The following PTPRS variants were observed in gnomAD, a reference collection of about 807,000 sequenced individuals.
PTPRS encodes protein tyrosine phosphatase receptor type S, also known as receptor-type tyrosine-protein phosphatase S.
Under a neutral mutation model 215.3 loss-of-function variants are expected in PTPRS, and 63 were observed. That is an observed-to-expected ratio of 0.29 (90% CI 0.24 to 0.36). The LOEUF (loss-of-function observed/expected upper bound fraction) is 0.36, where lower values mean the gene tolerates loss of function less well. Among genes scored for constraint, PTPRS ranks in the 10% least tolerant of loss-of-function variants. PTPRS has a pLI of 1.00. For missense variants in PTPRS, 2,258 were observed against 2,825.8 expected (o/e 0.80, Z 4.56); for synonymous variants, 1,404 against 1,191.4 (o/e 1.18, Z -3.68).
Position 5,216,727 on chromosome 19 carries a change from G to T in PTPRS, c.4089C>A (p.His1363Gln). ...LRSPLREPGF[H>Q]FESMLSHPPI... is the part of the protein sequence containing the mutation. ...ACAGACACAAGAACTAACTTTCAAA[G>T]TGAAACCCCGGCTCCCTGAGGGGGC... Residue 1363 changes from histidine (H) to glutamine (Q), a missense_variant, in exon 26 of 38, where the codon CAC becomes CAA. Physicochemically the swap from His to Gln is conservative, Grantham distance 24. Transcript: ENST00000262963. 6.4e-7 allele frequency: 1 copy of T among 1,572,942 alleles called. No individual in the cohort carries two copies.
At chr19:5,274,175 C>A in intron 3 of PTPRS, 24 bp downstream of exon 3, 1 of 1,596,296 alleles carries the variant, frequency 6.3e-7, no homozygotes, top group Non-Finnish European at 8.6e-7. Context: ...TGACCCCAGG[C>A]TGCCTCCCCC....
chr19:5,230,644 AG>A (rs1482306943), intron 14 of PTPRS, among the ~76,000 whole-genome samples: 1 of 152,076 alleles, frequency 6.6e-6, no homozygotes, highest in East Asian at 1.9e-4. Flanking sequence ...ATGTTTTTGG[AG>A]GAATGGGGTC....
intron 1 of PTPRS, among the ~76,000 whole-genome samples, chr19:5,321,607 A>G (rs1368256486): frequency 6.6e-6 from 1 of 152,250 alleles, no homozygotes; most frequent in Non-Finnish European, 1.5e-5. Context: ...TGCCAGGCCC[A>G]GAGTGGAGAA....
intron 30 of PTPRS, among the ~76,000 whole-genome samples, chr19:5,212,698 C>T (rs148176244): frequency 6.6e-6 from 1 of 152,166 alleles, no homozygotes; most frequent in Non-Finnish European, 1.5e-5. Flanking sequence ...ACAAAATTAG[C>T]TAGGCATGGT....
chr19:5,278,916 C>T (rs1188911144), intron 2 of PTPRS, among the ~76,000 whole-genome samples: 1 of 151,906 alleles, frequency 6.6e-6, no homozygotes, highest in African/African-American at 2.4e-5. Flanking sequence ...AGGGGTTGGG[C>T]ATGGTGGCTC....
intron 1 of PTPRS, among the ~76,000 whole-genome samples, chr19:5,331,126 TTTAAAAA>T (rs1325379378): frequency 2.3e-4 from 10 of 42,558 alleles, no homozygotes; most frequent in South Asian, 1.4e-3. Flanking sequence ...GGCTTCTTTT[TTTAAAAA>T]AAAAAAAAAA....
At chr19:5,247,016 G>A (rs555083102) in intron 9 of PTPRS, among the ~76,000 whole-genome samples, 1 of 151,694 alleles carries the variant, frequency 6.6e-6, no homozygotes, top group Non-Finnish European at 1.5e-5. Context: ...GAGAGGAGAC[G>A]AATGAATGGG....
intron 5 of PTPRS, 34 bp downstream of exon 5, chr19:5,264,974 A>C: frequency 2.5e-6 from 4 of 1,609,820 alleles, no homozygotes; most frequent in Non-Finnish European, 3.4e-6. Context: ...CTGCCCTCCA[A>C]GGCTCCCACG....
chr19:5,244,610 A>G lies in PTPRS; in HGVS notation c.989-128T>C, dbSNP rs1000780960. 2.8e-6 allele frequency: 2 copies of G among 713,824 alleles called. No homozygotes were observed. Among genetic ancestry groups the G allele is most frequent in the Non-Finnish European group, 4.6e-6 (2 of 433,908 alleles). 44.2% of individuals were successfully genotyped at this position (713,824 alleles called of 1,614,324 possible). ...TTGCCCAGCAGTAATCATGGGCCTC[A>G]TGACTCCTGTCATCGTCTACAGCAA... On this transcript the variant is annotated intron_variant, in intron 10 of 37. Transcript: ENST00000262963. This position sits in a 1 kb window ranked among gnomAD's most constrained non-coding sequence, Gnocchi z 7.2.
intron 8 of PTPRS, among the ~76,000 whole-genome samples, chr19:5,256,609 A>G (rs1282413157): frequency 1.3e-5 from 2 of 151,954 alleles, no homozygotes; most frequent in African/African-American, 4.8e-5. Context: ...CCCCCATCCC[A>G]GGTGTTGGCA....
intron 13 of PTPRS, among the ~76,000 whole-genome samples, chr19:5,232,348 G>C (rs1238074239): frequency 3.4e-5 from 5 of 147,092 alleles, no homozygotes. Context: ...TTATGTGCCA[G>C]GCACCATACC....
At position 5,223,043 on chromosome 19, in the gene PTPRS, C is replaced by T; in HGVS notation, c.2749G>A (p.Ala917Thr). The change falls in exon 18 of 38, where the codon GCA becomes ACA. Residue 917 changes from alanine to threonine, a missense_variant. By Grantham distance (58) the Ala-to-Thr change is moderately conservative. This residue lies in a region of PTPRS where 361 missense variants were observed against 332.6 expected (regional missense o/e 1.09). Coordinates refer to ENST00000262963, the MANE Select transcript of PTPRS (RefSeq NM_002850.4). ...TCCGGGATGCTCAGGACCTCGGCTG[C>T]CTCCTCGCCCAGGCCGCCGCGGCTC... is the stretch of plus-strand genomic sequence containing the variant. ...ARSRGGLGEEAAEVLSIPEDT... is the reference protein window; with the variant it reads ...ARSRGGLGEETAEVLSIPEDT... 1 of 1,548,186 alleles carries T rather than the reference C, an allele frequency of 6.5e-7. No homozygotes were observed.
intron 1 of PTPRS, among the ~76,000 whole-genome samples, chr19:5,322,081 G>C (rs568920190): frequency 6.6e-6 from 1 of 152,170 alleles, no homozygotes; most frequent in Non-Finnish European, 1.5e-5. Flanking sequence ...TCACACAGCC[G>C]GCAAGAGGCA....
At chr19:5,264,513 A>G (rs1003135267) in intron 5 of PTPRS, among the ~76,000 whole-genome samples, 1 of 152,104 alleles carries the variant, frequency 6.6e-6, no homozygotes, top group Non-Finnish European at 1.5e-5. Flanking sequence ...GTCTTGCTAC[A>G]TTGCCCATGC....
chr19:5,219,246 C>T (rs2041761566), intron 23 of PTPRS, 64 bp downstream of exon 23: 3 of 1,587,332 alleles, frequency 1.9e-6, no homozygotes, highest in Non-Finnish European at 2.6e-6. Flanking sequence ...GAGACAACTC[C>T]TCCCTCCTTT....
At chr19:5,337,781 TGGAAATTGGG>T (rs1430200864) in intron 1 of PTPRS, among the ~76,000 whole-genome samples, 1 of 151,220 alleles carries the variant, frequency 6.6e-6, no homozygotes, top group Admixed American at 6.6e-5. Context: ...TGTTCCATGG[TGGAAATTGGG>T]GGAAAATGGA....
At position 5,265,209 on chromosome 19, in the gene PTPRS, ACG is replaced by A; in HGVS notation, c.380-15_380-14del. The A allele has an allele frequency of 6.2e-7, 1 of 1,610,522 alleles. No individual in the cohort carries two copies. ...GGCAGCTGGTCCTCTGAGGGCAGAG[ACG>A]TGAGAGAAATGGGCATGGTTCTGAG... On this transcript the variant is annotated splice_polypyrimidine_tract_variant and intron_variant, in intron 4 of 37. Transcript: ENST00000262963.
rs554924044 is a variant in PTPRS at position 5,238,972 on chromosome 19, G to C, written c.1796C>G (p.Pro599Arg). The change falls in exon 13 of 38, where the codon CCG becomes CGG. Residue 599 changes from proline to arginine, a missense_variant. Around this residue, in one of 6 missense-constraint regions of PTPRS, gnomAD observed 371 missense variants for 446.7 expected, o/e 0.83. Coordinates refer to ENST00000262963, the MANE Select transcript of PTPRS (RefSeq NM_002850.4). ...EYAFRLAARSPQGLGAFTPVV... is the reference protein window; with the variant it reads ...EYAFRLAARSRQGLGAFTPVV... ...GGGGGTGAAGGCGCCCAGGCCCTGC[G>C]GCGAGCGGGCCGCCAGGCGGAAGGC... is the stretch of plus-strand genomic sequence containing the variant. 1.9e-6 allele frequency: 3 copies of C among 1,612,806 alleles called. No individual in the cohort carries two copies. The highest frequency in any genetic ancestry group is 2.5e-6 in the Non-Finnish European group (3 of 1,179,644).
chr19:5,284,573 C>A (rs947186827), intron 2 of PTPRS, among the ~76,000 whole-genome samples: 1 of 151,810 alleles, frequency 6.6e-6, no homozygotes, highest in Non-Finnish European at 1.5e-5. Context: ...CATAGTTGTA[C>A]GACGGGGATG....
Sources: allele counts gnomAD v4.1 joint callset (sites outside exome capture counted in the v4.1 genomes callset), GRCh38; gene constraint gnomAD v4.1.1; regional missense constraint gnomAD v4.1.1; non-coding constraint Gnocchi (gnomAD v3.1); transcripts MANE v1.5; gene names NCBI Gene and HGNC (gene_info 2026-07-23, HGNC 2026-07-21).